The following GABRG3 variants were observed in gnomAD, a reference collection of about 807,000 sequenced individuals.
GABRG3 encodes gamma-aminobutyric acid type A receptor subunit gamma3, also known as gamma-aminobutyric acid receptor subunit gamma-3.
GABRG3 carries 25 observed loss-of-function variants against 48.8 expected under a neutral mutation model. That is an observed-to-expected ratio of 0.51 (90% confidence interval 0.37 to 0.72). The LOEUF (loss-of-function observed/expected upper bound fraction) is 0.72, where lower values mean the gene tolerates loss of function less well. Ranked by LOEUF, GABRG3 falls within the 30% of genes least tolerant of loss-of-function variation. The pLI, the probability that GABRG3 is intolerant of heterozygous loss-of-function variation, is 0.00. For synonymous variants in GABRG3, 227 were observed against 217.6 expected, an observed-to-expected ratio of 1.04 and a Z score of -0.38; for missense variants, 394 against 577.9, an observed-to-expected ratio of 0.68 and a Z score of 3.26.
chr15:27,206,616 C>T (rs1888859830), intron 3 of GABRG3, among the ~76,000 whole-genome samples: 1 of 152,040 alleles, frequency 6.6e-6, no homozygotes, highest in Non-Finnish European at 1.5e-5. Flanking sequence ...TAGTATTCTG[C>T]CTTGATTATA....
intron 3 of GABRG3, among the ~76,000 whole-genome samples, chr15:27,263,365 G>A (rs1418125767): frequency 6.6e-6 from 1 of 152,076 alleles, no homozygotes; most frequent in African/African-American, 2.4e-5. Context: ...GCTGTTTTCT[G>A]CTGAAGTCAC....
intron 3 of GABRG3, among the ~76,000 whole-genome samples, chr15:27,163,450 G>C (rs754095308): frequency 1.3e-5 from 2 of 151,930 alleles, no homozygotes; most frequent in Non-Finnish European, 2.9e-5. Context: ...TAAGATTGTA[G>C]GCAAATCTCA....
intron 5 of GABRG3, among the ~76,000 whole-genome samples, chr15:27,360,089 G>C (rs1204895849): frequency 6.6e-6 from 1 of 152,146 alleles, no homozygotes; most frequent in Non-Finnish European, 1.5e-5. Flanking sequence ...CAGGAGTGCT[G>C]CAGGAAGAGA....
At chr15:27,020,418 C>G (rs1315782855) in intron 2 of GABRG3, among the ~76,000 whole-genome samples, 1 of 152,150 alleles carries the variant, frequency 6.6e-6, no homozygotes, top group Non-Finnish European at 1.5e-5. Flanking sequence ...TGTTTTCTAT[C>G]TCTTTGTTTT....
rs1043262337 is a variant in GABRG3 at position 27,306,628 on chromosome 15, A to G, written c.271-20181A>G. Among the ~76,000 whole-genome samples, 31 of 115,870 alleles carry G rather than the reference A, an allele frequency of 2.7e-4. 1 individual carries two copies. Among genetic ancestry groups the G allele is most frequent in the Middle Eastern group, 0.012 (1 of 84 alleles). 76.0% of individuals were successfully genotyped at this position (115,870 alleles called of 152,430 possible). On this transcript the variant is annotated intron_variant, in intron 3 of 9. Coordinates refer to ENST00000615808, the MANE Select transcript of GABRG3 (RefSeq NM_033223.5). ...GTTTATATATAAACATATATAATAT[A>G]AACATATATTTATATATAAACATAT...
rs1377080195 is a variant in GABRG3, at chr15:27,248,803, C to CACAGAG, written c.271-78005_271-78004insCAGAGA. Among the ~76,000 whole-genome samples the CACAGAG allele has an allele frequency of 1.2e-3, 132 of 110,220 alleles. 1 individual carries two copies. Among genetic ancestry groups the CACAGAG allele is most frequent in the South Asian group, 1.7e-3 (5 of 2,968 alleles). 72.3% of individuals were successfully genotyped at this position (110,220 alleles called of 152,430 possible). ...ACACACACACACACACACACACACA[C>CACAGAG]AGAGAGAGAGAGAGAGAGAGAGAGA... On this transcript the variant is annotated intron_variant, in intron 3 of 9. Coordinates refer to ENST00000615808, the MANE Select transcript of GABRG3 (RefSeq NM_033223.5).
intron 3 of GABRG3, among the ~76,000 whole-genome samples, chr15:27,111,379 C>T (rs1156481300): frequency 6.6e-6 from 1 of 152,182 alleles, no homozygotes; most frequent in Non-Finnish European, 1.5e-5. Flanking sequence ...ATGTCTGATT[C>T]TGTTCTGATG....
intron 2 of GABRG3, among the ~76,000 whole-genome samples, chr15:27,015,006 A>G (rs1895752375): frequency 6.6e-6 from 1 of 152,274 alleles, no homozygotes; most frequent in Non-Finnish European, 1.5e-5. Context: ...GGACCCTTTT[A>G]TTACTGAATA....
intron 3 of GABRG3, among the ~76,000 whole-genome samples, chr15:27,151,974 A>G (rs1027699136): frequency 1.3e-5 from 2 of 152,184 alleles, no homozygotes; most frequent in Non-Finnish European, 2.9e-5. Context: ...TCCTCTTAGC[A>G]AAGTTTTTCA....
chr15:27,531,587 T>C (rs776103165), intron 9 of GABRG3, among the ~76,000 whole-genome samples: 14 of 152,184 alleles, frequency 9.2e-5, no homozygotes, highest in Non-Finnish European at 1.9e-4. Flanking sequence ...ATGGCTGCCA[T>C]TGGCATCCCA....
At chr15:27,221,263 G>A (rs1889445292) in intron 3 of GABRG3, among the ~76,000 whole-genome samples, 2 of 152,070 alleles carry the variant, frequency 1.3e-5, no homozygotes, top group Admixed American at 1.3e-4. Flanking sequence ...GATGGACAGT[G>A]TGCTGATCTG....
chr15:27,034,515 T>C (rs1896141502), intron 3 of GABRG3, among the ~76,000 whole-genome samples: 1 of 152,184 alleles, frequency 6.6e-6, no homozygotes, highest in Non-Finnish European at 1.5e-5. Flanking sequence ...ATTTAAGGTA[T>C]ACATGTTAGT....
chr15:27,117,727 C>A (rs952423276), intron 3 of GABRG3, among the ~76,000 whole-genome samples: 2 of 152,162 alleles, frequency 1.3e-5, no homozygotes, highest in Non-Finnish European at 2.9e-5. Context: ...TTCTTACTAG[C>A]TCTTTATCTA....
chr15:27,137,531 A>AGATCAGT (rs1386339750), intron 3 of GABRG3, among the ~76,000 whole-genome samples: 3 of 152,220 alleles, frequency 2.0e-5, no homozygotes, highest in African/African-American at 7.2e-5. Context: ...TTTAAGAATT[A>AGATCAGT]GATCAGTGTC....
chr15:27,308,831 G>A (rs991915179), intron 3 of GABRG3, among the ~76,000 whole-genome samples: 4 of 149,516 alleles, frequency 2.7e-5, no homozygotes, highest in Admixed American at 6.7e-5. Context: ...GTAAACATAC[G>A]TTTATATAAA....
chr15:27,200,556 A>G (rs1401085231), intron 3 of GABRG3, among the ~76,000 whole-genome samples: 1 of 152,102 alleles, frequency 6.6e-6, no homozygotes, highest in Non-Finnish European at 1.5e-5. Flanking sequence ...CCCCTCCTTC[A>G]CGGAGCTCAT....
chr15:27,217,842 C>T (rs777942987), intron 3 of GABRG3, among the ~76,000 whole-genome samples: 1 of 152,180 alleles, frequency 6.6e-6, no homozygotes, highest in Non-Finnish European at 1.5e-5. Context: ...CAGGCCAAGT[C>T]GCCACAGGTG....
chr15:27,117,808 T>C (rs1897666665), intron 3 of GABRG3, among the ~76,000 whole-genome samples: 1 of 152,220 alleles, frequency 6.6e-6, no homozygotes, highest in Non-Finnish European at 1.5e-5. Context: ...CTGTGTCCTG[T>C]ATATCTTTCT....
intron 5 of GABRG3, among the ~76,000 whole-genome samples, chr15:27,453,756 CATGG>C (rs1889180134): frequency 1.3e-5 from 2 of 152,308 alleles, no homozygotes; most frequent in East Asian, 1.9e-4. Flanking sequence ...CACCTGCCAA[CATGG>C]CTGGCTAATT....
Sources: gnomAD v4.1 joint callset for allele counts (sites outside exome capture counted in the v4.1 genomes callset) on GRCh38, gnomAD v4.1.1 for gene constraint, MANE v1.5 for transcripts, NCBI Gene and HGNC (gene_info 2026-07-23, HGNC 2026-07-21) for gene names.